Variants in PABPC4L observed in about 807,000 individuals in gnomAD.
PABPC4L encodes the protein poly(A) binding protein cytoplasmic 4 like.
For synonymous variants in PABPC4L, 169 were observed against 164.1 expected (o/e 1.03, Z -0.23); for missense variants, 452 against 451.4 (o/e 1.00, Z -0.01).
the PABPC4L span, among the ~76,000 whole-genome samples, chr4:134,108,875 A>G: frequency 6.6e-6 from 1 of 151,988 alleles, no homozygotes; most frequent in African/African-American, 2.4e-5. Flanking sequence ...AGGTATTTAT[A>G]TACAACATTT....
At chr4:134,063,816 A>T in the PABPC4L span, among the ~76,000 whole-genome samples, 1 of 152,028 alleles carries the variant, frequency 6.6e-6, no homozygotes, top group Admixed American at 6.6e-5. Context: ...TCCTACTAAT[A>T]AATAAGTTAT....
At chr4:134,188,123 T>C in the PABPC4L span, among the ~76,000 whole-genome samples, 1 of 151,518 alleles carries the variant, frequency 6.6e-6, no homozygotes, top group Non-Finnish European at 1.5e-5. Flanking sequence ...GGGGTGTTTG[T>C]GTGTGTGTGT....
the PABPC4L span, among the ~76,000 whole-genome samples, chr4:134,108,531 C>T: frequency 6.6e-6 from 1 of 151,986 alleles, no homozygotes; most frequent in African/African-American, 2.4e-5. Flanking sequence ...GAAGAATCCA[C>T]AACTGATATT....
chr4:134,159,820 T>G, the PABPC4L span, among the ~76,000 whole-genome samples: 312 of 152,016 alleles, frequency 2.1e-3, 1 homozygote, highest in African/African-American at 6.9e-3. Context: ...GCCCTGAGAG[T>G]GCCTGCATCA....
chr4:134,015,062 G>A, the PABPC4L span, among the ~76,000 whole-genome samples: 1 of 151,844 alleles, frequency 6.6e-6, no homozygotes, highest in African/African-American at 2.4e-5. Context: ...TAACCCACAA[G>A]TATAAGACAC....
the PABPC4L span, among the ~76,000 whole-genome samples, chr4:134,096,283 A>G: frequency 1.3e-5 from 2 of 152,000 alleles, no homozygotes. Context: ...TAGATAAATC[A>G]CAAAGATGAT....
chr4:134,058,747 T>G, the PABPC4L span, among the ~76,000 whole-genome samples: 1 of 152,036 alleles, frequency 6.6e-6, no homozygotes, highest in East Asian at 1.9e-4. Flanking sequence ...ATAAATATAT[T>G]GAGAAATATC....
the PABPC4L span, among the ~76,000 whole-genome samples, chr4:134,105,419 T>C: frequency 6.6e-6 from 1 of 151,714 alleles, no homozygotes; most frequent in Non-Finnish European, 1.5e-5. Context: ...GGTGTATTAA[T>C]ATTAAAATTT....
chr4:134,079,916 AT>A, the PABPC4L span, among the ~76,000 whole-genome samples: 10 of 151,392 alleles, frequency 6.6e-5, no homozygotes, highest in South Asian at 8.3e-4. Context: ...GTTTAAAAAA[AT>A]TTTTTTTTGG....
At chr4:134,201,522 C>G (rs1465194260) in intron 1 of PABPC4L, among the ~76,000 whole-genome samples, 196 bp downstream of exon 1, 1 of 152,114 alleles carries the variant, frequency 6.6e-6, no homozygotes, top group East Asian at 1.9e-4. Context: ...GTACCGGGTT[C>G]TGCAGGCGCC....
the PABPC4L span, among the ~76,000 whole-genome samples, chr4:134,129,518 C>T: frequency 6.6e-6 from 1 of 151,742 alleles, no homozygotes. Context: ...AACTACAAAA[C>T]GACACCCCCA....
the PABPC4L span, among the ~76,000 whole-genome samples, chr4:134,146,409 G>A: frequency 6.6e-6 from 1 of 151,850 alleles, no homozygotes; most frequent in Non-Finnish European, 1.5e-5. Context: ...CAAATGATAT[G>A]GCTTTTTCAC....
chr4:134,016,043 G>A, the PABPC4L span, among the ~76,000 whole-genome samples: 23 of 152,010 alleles, frequency 1.5e-4, no homozygotes, highest in African/African-American at 4.8e-4. Flanking sequence ...TCCACCTGAC[G>A]TTCACCCCAT....
chr4:134,188,402 C>G, the PABPC4L span, among the ~76,000 whole-genome samples: 1 of 152,058 alleles, frequency 6.6e-6, no homozygotes. Flanking sequence ...ACCATGCTCT[C>G]CCATTCTTTA....
chr4:134,154,025 G>A, the PABPC4L span, among the ~76,000 whole-genome samples: 4 of 151,770 alleles, frequency 2.6e-5, no homozygotes, highest in Admixed American at 6.6e-5. Context: ...TAAATGAAAC[G>A]CGTCCCTAAA....
the PABPC4L span, among the ~76,000 whole-genome samples, chr4:134,106,631 A>G: frequency 6.6e-6 from 1 of 151,658 alleles, no homozygotes; most frequent in African/African-American, 2.4e-5. Context: ...AGCCATAGGT[A>G]ATTAATAGCA....
At chr4:134,154,663 C>G in the PABPC4L span, among the ~76,000 whole-genome samples, 4 of 151,892 alleles carry the variant, frequency 2.6e-5, no homozygotes, top group East Asian at 1.9e-4. Flanking sequence ...TGTGGTTCAT[C>G]ATATTAATAT....
the PABPC4L span, among the ~76,000 whole-genome samples, chr4:134,188,506 T>C: frequency 4.4e-3 from 674 of 152,234 alleles, 9 homozygotes; most frequent in African/African-American, 0.015. Flanking sequence ...ACAAATTCTC[T>C]CAATTTTTTT....
the PABPC4L span, among the ~76,000 whole-genome samples, chr4:134,137,961 A>G: frequency 6.6e-6 from 1 of 151,810 alleles, no homozygotes; most frequent in Non-Finnish European, 1.5e-5. Context: ...ATTTGAGCCC[A>G]TATGTGAGAA....
Sources: gnomAD v4.1 joint callset for allele counts (sites outside exome capture counted in the v4.1 genomes callset) on GRCh38, gnomAD v4.1.1 for gene constraint, MANE v1.5 for transcripts, NCBI Gene and HGNC (gene_info 2026-07-23, HGNC 2026-07-21) for gene names.